GTF3C2: variants seen among roughly 807,000 people sequenced by gnomAD.
GTF3C2 encodes general transcription factor 3C polypeptide 2.
Under a neutral mutation model 117.4 loss-of-function variants are expected in GTF3C2, and 17 were observed. The observed-to-expected ratio is 0.14, with a 90% CI of 0.10 to 0.22. The LOEUF is 0.22. GTF3C2 is among the 10% of genes least tolerant of loss of function. GTF3C2 has a pLI of 1.00. For synonymous variants in GTF3C2, 437 were observed against 427.0 expected (o/e 1.02, Z -0.29); for missense variants, 888 against 1,143.6 (o/e 0.78, Z 3.22).
chr2:27,342,269 T>C, intron 3 of GTF3C2, 36 bp from the exon 4 acceptor site: 7 of 1,556,344 alleles, frequency 4.5e-6, no homozygotes, highest in Non-Finnish European at 6.1e-6. Context: ...CATTCTCACA[T>C]ATGACTGAGA....
chr2:27,327,091 G>T, intron 18 of GTF3C2, 86 bp downstream of exon 18: 1 of 766,714 alleles, frequency 1.3e-6, no homozygotes, highest in African/African-American at 1.7e-5. Flanking sequence ...TGTCATCTGT[G>T]TAACCTTTTC....
At position 27,329,321 on chromosome 2, in the gene GTF3C2, C is replaced by T. The variant is rs569568286; in HGVS notation, c.1878-39G>A. The T allele has an allele frequency of 3.1e-6, 5 of 1,613,910 alleles. No homozygotes were observed. The highest frequency in any genetic ancestry group is 2.2e-5 in the East Asian group (1 of 44,882). ...GGAGAAGGTCAAATCCAAACAAATCCGGAAGTCAGCCTGTCCCAGTCTTCA... is the reference window on the plus strand; with the variant it reads ...GGAGAAGGTCAAATCCAAACAAATCTGGAAGTCAGCCTGTCCCAGTCTTCA... On this transcript the variant is annotated intron_variant, in intron 13 of 18. Transcript: ENST00000264720. This position sits in a 1 kb window ranked among gnomAD's most constrained non-coding sequence, Gnocchi z 4.5.
chr2:27,355,227 C>T (rs1190944739), intron 1 of GTF3C2, among the ~76,000 whole-genome samples: 3 of 152,060 alleles, frequency 2.0e-5, no homozygotes, highest in African/African-American at 4.8e-5. Context: ...ATTGCCTGTA[C>T]ATATAATTTG....
intron 1 of GTF3C2, among the ~76,000 whole-genome samples, chr2:27,352,191 G>GATTAGCAAAA (rs1228813296): frequency 6.6e-6 from 1 of 152,046 alleles, no homozygotes; most frequent in Non-Finnish European, 1.5e-5. Context: ...TGTTCCACAT[G>GATTAGCAAAA]CTTAGCAAAA....
At position 27,337,560 on chromosome 2, in the gene GTF3C2, T is replaced by C. The variant is rs758224805; in HGVS notation, c.951-2A>G. ...CAGTATGAATGTTTCTGCTCTCGGC[T>C]GGAGAAACAGAAGAAGCATTAATGA... On this transcript the variant is annotated splice_acceptor_variant, in intron 5 of 18. Transcript: ENST00000264720. LOFTEE classifies it high-confidence loss of function. 6.3e-7 allele frequency: 1 copy of C among 1,598,888 alleles called. No homozygotes were observed. Among genetic ancestry groups the C allele is most frequent in the Admixed American group, 1.7e-5 (1 of 59,994 alleles).
chr2:27,346,692 TA>T (rs942265827), intron 1 of GTF3C2, among the ~76,000 whole-genome samples: 1 of 151,434 alleles, frequency 6.6e-6, no homozygotes, highest in African/African-American at 2.4e-5. Context: ...TTTTAAAAAT[TA>T]AAAAAAATTT....
chr2:27,327,140 G>A (rs542043449), intron 18 of GTF3C2, 37 bp downstream of exon 18: 7 of 1,130,716 alleles, frequency 6.2e-6, no homozygotes, highest in South Asian at 1.3e-5. Context: ...GAACTGGGGG[G>A]AAATGAGAGT....
At chr2:27,335,247 G>A in intron 10 of GTF3C2, 1 of 491,276 alleles carries the variant, frequency 2.0e-6, no homozygotes, top group Non-Finnish European at 4.1e-6. Flanking sequence ...GAACAGGATT[G>A]GGGGAACAAG....
chr2:27,335,409 C>T (rs1158018852), intron 10 of GTF3C2, 189 bp downstream of exon 10: 2 of 709,422 alleles, frequency 2.8e-6, no homozygotes, highest in Non-Finnish European at 5.3e-6. Context: ...TGAAAGAGTA[C>T]AGCTGTAAGA....
At chr2:27,334,344 A>G (rs913607168) in intron 10 of GTF3C2, among the ~76,000 whole-genome samples, 2 of 151,756 alleles carry the variant, frequency 1.3e-5, no homozygotes, top group Non-Finnish European at 2.9e-5. Context: ...ACCTACCTCT[A>G]TCTGTTCCCA....
intron 1 of GTF3C2, among the ~76,000 whole-genome samples, chr2:27,348,642 A>G (rs1681005118): frequency 1.3e-5 from 2 of 151,618 alleles, no homozygotes; most frequent in Admixed American, 1.3e-4. Flanking sequence ...CATCTCTAGT[A>G]AAAATACAAA....
At position 27,348,340 on chromosome 2, in the gene GTF3C2, G is replaced by A. The variant is rs1263539515; in HGVS notation, c.-24-4762C>T. Among the ~76,000 whole-genome samples, 4 of 151,516 alleles carry A rather than the reference G, an allele frequency of 2.6e-5. No individual in the cohort carries two copies. The South Asian group carries it at 6.2e-4, about 24-fold the overall frequency. On this transcript the variant is annotated intron_variant, in intron 1 of 18. Transcript: ENST00000264720. The stretch of plus-strand genomic sequence containing the variant: ...CTGTAGTCCCAGCCACTCAGGAATT[G>A]GAAGTGAGAAGATCACTTGAGCCTG...
intron 17 of GTF3C2, 73 bp downstream of exon 17, chr2:27,327,964 C>A: frequency 7.8e-7 from 1 of 1,281,632 alleles, no homozygotes; most frequent in Non-Finnish European, 1.1e-6. Context: ...TGAACTCAGG[C>A]TTGCGTACTA....
intron 1 of GTF3C2, among the ~76,000 whole-genome samples, chr2:27,346,639 CT>C (rs1182278065): frequency 6.6e-6 from 1 of 151,850 alleles, no homozygotes; most frequent in Non-Finnish European, 1.5e-5. Context: ...TCCCAAAATG[CT>C]GGGATTACAG....
chr2:27,342,595 A>G, intron 3 of GTF3C2: 3 of 564,194 alleles, frequency 5.3e-6, no homozygotes, highest in Admixed American at 6.5e-5. Context: ...AAAGTTTGTG[A>G]AAAATGGCAT....
intron 1 of GTF3C2, among the ~76,000 whole-genome samples, chr2:27,352,124 T>A (rs1027672697): frequency 5.3e-5 from 8 of 152,192 alleles, no homozygotes; most frequent in Non-Finnish European, 1.2e-4. Context: ...GTCAGCCACA[T>A]CCTATCTAGT....
rs201923571 is a variant in GTF3C2, at chr2:27,355,221, C to T, written c.-25+1518G>A. Among the ~76,000 whole-genome samples, 8 of 152,204 alleles carry T rather than the reference C, an allele frequency of 5.3e-5. No homozygotes were observed. The East Asian group carries it at 5.8e-4, about 11-fold the overall frequency. ...ACATCCATATGACTTTTATGAATTG[C>T]CTGTACATATAATTTGCCTGGCCGG... On this transcript the variant is annotated intron_variant, in intron 1 of 18. Transcript: ENST00000264720.
At chr2:27,333,593 A>G (rs985599935) in intron 12 of GTF3C2, 62 bp downstream of exon 12, 8 of 1,152,800 alleles carry the variant, frequency 6.9e-6, no homozygotes, top group Non-Finnish European at 1.0e-5. Flanking sequence ...GAACCAAAAA[A>G]CAAGCATATA....
Position 27,332,483 on chromosome 2 carries a change from C to T in GTF3C2, c.1732+1172G>A, listed in dbSNP as rs1010303389. 7.9e-5 allele frequency among the ~76,000 whole-genome samples: 12 copies of T among 151,924 alleles called. 1 individual carries two copies. The highest frequency in any genetic ancestry group is 2.4e-4 in the African/African-American group (10 of 41,424). On this transcript the variant is annotated intron_variant, in intron 12 of 18. Transcript: ENST00000264720. ...AGGCTAGAGTACAGTGGCACCATCT[C>T]GGCTCACTGCAAACTCCGCCTCCCG...
Sources: gnomAD v4.1 joint callset for allele counts (sites outside exome capture counted in the v4.1 genomes callset) on GRCh38, gnomAD v4.1.1 for gene constraint, Gnocchi (gnomAD v3.1) non-coding constraint, MANE v1.5 for transcripts, NCBI Gene and HGNC (gene_info 2026-07-23, HGNC 2026-07-21) for gene names.